The following ATP13A1 variants were observed in gnomAD, a reference collection of about 807,000 sequenced individuals.
ATP13A1 encodes ATPase 13A1.
ATP13A1 carries 55 observed loss-of-function variants against 134.8 expected under a neutral mutation model. The observed-to-expected ratio is 0.41, with a 90% CI of 0.33 to 0.51. The LOEUF is 0.51. Among genes scored for constraint, ATP13A1 ranks in the 20% least tolerant of loss-of-function variants. The pLI, the probability that ATP13A1 is intolerant of heterozygous loss-of-function variation, is 0.29. For synonymous variants in ATP13A1, 775 were observed against 725.1 expected (o/e 1.07, Z -1.10); for missense variants, 1,389 against 1,652.8 (o/e 0.84, Z 2.77).
At chr19:19,659,136 A>G (rs2062078354) in intron 3 of ATP13A1, among the ~76,000 whole-genome samples, 1 of 152,030 alleles carries the variant, frequency 6.6e-6, no homozygotes, top group Admixed American at 6.6e-5. Context: ...AAGCGGCATC[A>G]CAGTCACCTG....
Position 19,652,574 on chromosome 19 carries a change from G to A in ATP13A1, c.2226+21C>T, listed in dbSNP as rs755006283. 5 of 1,602,218 alleles carry A rather than the reference G, an allele frequency of 3.1e-6. No individual in the cohort carries two copies. In the African/African-American group the frequency reaches 4.0e-5, roughly 13 times the overall value. On this transcript the variant is annotated intron_variant, in intron 16 of 25. Transcript: ENST00000357324. ...GCCTCTATTTCCCATGCAGAGGGTG[G>A]AGCCGAGCACCGTCCCATACCCGGT... is the stretch of plus-strand genomic sequence containing the variant.
chr19:19,646,721 G>A, intron 22 of ATP13A1: 1 of 379,204 alleles, frequency 2.6e-6, no homozygotes, highest in South Asian at 3.6e-5. Context: ...TGGGGCCTTT[G>A]TGTCCAGTTC....
rs1326466522 is a variant in ATP13A1 at position 19,647,700 on chromosome 19, C to T, written c.2692G>A (p.Asp898Asn). The change falls in exon 20 of 26, where the codon GAC becomes AAC. Residue 898 changes from aspartate to asparagine, a missense_variant. Coordinates refer to ENST00000357324, the MANE Select transcript of ATP13A1 (RefSeq NM_020410.3). This position sits in a 1 kb window ranked among gnomAD's most constrained non-coding sequence, Gnocchi z 4.8. ...RVVERRRRPR[D>N]SPTLSNSGIR... ...CCACTGTTGCTCAGGGTTGGGCTGT[C>T]CCGGGGCCGCCGTCGCCGCTCGACA... The T allele has an allele frequency of 6.2e-7, 1 of 1,610,828 alleles. No homozygotes were observed. The highest frequency in any genetic ancestry group is 8.5e-7 in the Non-Finnish European group (1 of 1,179,578).
In ATP13A1 at chr19:19,655,405, G is replaced by C. The variant is rs771064526; in HGVS notation, c.1445C>G (p.Thr482Ser). ...RNRYKLFLEC[T>S]LILTSVVPPE... ...AGGCACGACCGAGGTGAGGATCAGG[G>C]TGCACTCCAGAAACAGCTTGTAGCG... The change falls in exon 11 of 26, where the codon ACC becomes AGC. Residue 482 changes from threonine (T) to serine (S), a missense_variant. Thr to Ser is a moderately conservative substitution (Grantham distance 58, BLOSUM62 1). This residue lies in a region of ATP13A1 where 747 missense variants were observed against 956.1 expected (regional missense o/e 0.78). Coordinates refer to ENST00000357324, the MANE Select transcript of ATP13A1 (RefSeq NM_020410.3). The surrounding 1 kb of genome is among the most constrained non-coding windows in gnomAD (Gnocchi z 5.7). The C allele has an allele frequency of 2.5e-6, 4 of 1,613,876 alleles. No homozygotes were observed. Among genetic ancestry groups the C allele is most frequent in the Non-Finnish European group, 3.4e-6 (4 of 1,179,902 alleles).
intron 17 of ATP13A1, chr19:19,650,262 G>A (rs2062015604): frequency 4.5e-6 from 2 of 447,734 alleles, no homozygotes; most frequent in Non-Finnish European, 8.1e-6. Context: ...CACACAGAAG[G>A]GGGCTATTGC....
rs777360408 is a variant in ATP13A1 at position 19,656,693 on chromosome 19, G to C, written c.1050C>G (p.Ala350=). 1 of 1,613,814 alleles carries C rather than the reference G, an allele frequency of 6.2e-7. No homozygotes were observed. Among genetic ancestry groups the C allele is most frequent in the Admixed American group, 1.7e-5 (1 of 60,004 alleles). The change falls in exon 7 of 26, where the codon GCC becomes GCG. Residue 350 remains alanine (A), a synonymous_variant. Coordinates refer to ENST00000357324, the MANE Select transcript of ATP13A1 (RefSeq NM_020410.3). The surrounding 1 kb of genome is among the most constrained non-coding windows in gnomAD (Gnocchi z 4.6). ...GTGGCACGGACTCCCCCGTGAGCAT[G>C]GCCTCGTCTACGATGCAGCGGCCTC... The part of the protein sequence containing the change: ...LLRGRCIVDE[A]MLTGESVPQM...
Position 19,659,695 on chromosome 19 carries a change from G to C in ATP13A1, c.583C>G (p.Pro195Ala). 4 of 1,613,960 alleles carry C rather than the reference G, an allele frequency of 2.5e-6. No homozygotes were observed. Among genetic ancestry groups the C allele is most frequent in the African/African-American group, 1.3e-5 (1 of 75,046 alleles). The part of the protein sequence containing the change: ...EKKQFLPVAF[P>A]VGNAFSYYQS... ...TAGTATGAGAAGGCGTTTCCCACAG[G>C]AAAGGCCACGGGGAGAAACTGCTTC... The change falls in exon 3 of 26, where the codon CCT becomes GCT. Residue 195 changes from proline (P) to alanine (A), a missense_variant. Physicochemically the swap from Pro to Ala is conservative, Grantham distance 27. Coordinates refer to ENST00000357324, the MANE Select transcript of ATP13A1 (RefSeq NM_020410.3).
At chr19:19,662,389 C>T (rs186210829) in intron 1 of ATP13A1, 32 of 983,270 alleles carry the variant, frequency 3.3e-5, no homozygotes, top group Non-Finnish European at 3.5e-5. Flanking sequence ...CTTTCTGTAG[C>T]CCTTGATGCT....
In ATP13A1 at chr19:19,663,371, G is replaced by A. The variant is rs2062106960; in HGVS notation, c.296C>T (p.Ala99Val). The change falls in exon 1 of 26, where the codon GCT becomes GTT. Residue 99 changes from alanine (A) to valine (V), a missense_variant. Ala to Val is a moderately conservative substitution (Grantham distance 64). Transcript: ENST00000357324. ...WGSSWVQIPEAALLVLATICL... is the reference protein window; with the variant it reads ...WGSSWVQIPEVALLVLATICL... ...GATGGTGGCAAGCACGAGCAGCGCA[G>A]CTTCGGGGATCTGCACCCAACTGCT... is the stretch of plus-strand genomic sequence containing the variant. The A allele has an allele frequency of 3.8e-6, 6 of 1,589,508 alleles. No homozygotes were observed. The highest frequency in any genetic ancestry group is 3.4e-5 in the South Asian group (3 of 87,754).
chr19:19,649,693 G>C, intron 18 of ATP13A1, 30 bp from the exon 19 acceptor site: 1 of 1,613,556 alleles, frequency 6.2e-7, no homozygotes, highest in South Asian at 1.1e-5. Flanking sequence ...CTGAGCAGGG[G>C]CTGCGTGCCT....
rs762269352 is a variant in ATP13A1, at chr19:19,656,064, C to T, written c.1203G>A (p.Thr401=). 1.7e-5 allele frequency: 28 copies of T among 1,613,384 alleles called. No homozygotes were observed. The South Asian group carries it at 1.8e-4, about 10-fold the overall frequency. Residue 401 remains threonine, a synonymous_variant, in exon 8 of 26, where the codon ACG becomes ACA. Coordinates refer to ENST00000357324, the MANE Select transcript of ATP13A1 (RefSeq NM_020410.3). The surrounding 1 kb of genome is among the most constrained non-coding windows in gnomAD (Gnocchi z 4.6). ...CCATGAGGCACCTACGCTTCAGGCCCGTGGTGGCTTTCTGTGGGGGGATGT... is the reference window on the plus strand; with the variant it reads ...CCATGAGGCACCTACGCTTCAGGCCTGTGGTGGCTTTCTGTGGGGGGATGT... ...VQHIPPQKAT[T]GLKPVDSGCV... is the part of the protein sequence containing the mutation.
At chr19:19,651,924 C>G (rs2062027218) in intron 16 of ATP13A1, 127 bp from the exon 17 acceptor site, 1 of 703,358 alleles carries the variant, frequency 1.4e-6, no homozygotes, top group Non-Finnish European at 2.3e-6. Context: ...AACCGAGATG[C>G]TGAATGGGCT....
chr19:19,645,421 C>G lies in ATP13A1; in HGVS notation c.*1G>C, dbSNP rs758223844. The G allele has an allele frequency of 2.5e-6, 4 of 1,595,808 alleles. No homozygotes were observed. The Admixed American group carries it at 7.0e-5, about 28-fold the overall frequency. ...GGGCAGTGGGTACCAGCACTGCCAT[C>G]TCAGGAAGGCACTTTCAGCTTCGGG... On this transcript the variant is annotated 3_prime_UTR_variant, in exon 26 of 26. Transcript: ENST00000357324. The surrounding 1 kb of genome is among the most constrained non-coding windows in gnomAD (Gnocchi z 4.1).
In ATP13A1 at chr19:19,647,072, C is replaced by A; in HGVS notation, c.3105+57G>T. 1.2e-5 allele frequency: 19 copies of A among 1,530,640 alleles called. No individual in the cohort carries two copies. Among genetic ancestry groups the A allele is most frequent in the Non-Finnish European group, 1.7e-5 (19 of 1,131,974 alleles). The allele number at this position is 1,530,640 out of a possible 1,614,324, so 94.8% of individuals were successfully genotyped here. The stretch of plus-strand genomic sequence containing the variant: ...GGGATGACAATTCCCGTGCCTATAT[C>A]AGCCTGGCCCTGGCAGGCCCATGCA... On this transcript the variant is annotated intron_variant, in intron 22 of 25. Transcript: ENST00000357324. This position sits in a 1 kb window ranked among gnomAD's most constrained non-coding sequence, Gnocchi z 4.8.
Position 19,656,581 on chromosome 19 carries a change from C to G in ATP13A1, c.1083+79G>C. On this transcript the variant is annotated intron_variant, in intron 7 of 25. Transcript: ENST00000357324. This position sits in a 1 kb window ranked among gnomAD's most constrained non-coding sequence, Gnocchi z 4.6. ...TCCTCCGCCTGTGCCTGAGGGGGAT[C>G]CCCGCCACCCCCTGGGCCTCCACCT... is the stretch of plus-strand genomic sequence containing the variant. 1 of 1,430,616 alleles carries G rather than the reference C, an allele frequency of 7.0e-7. No homozygotes were observed. Among genetic ancestry groups the G allele is most frequent in the Non-Finnish European group, 9.6e-7 (1 of 1,043,506 alleles). 88.6% of individuals were successfully genotyped at this position (1,430,616 alleles called of 1,614,324 possible).
chr19:19,652,798 C>G (rs777066627), intron 15 of ATP13A1, 78 bp from the exon 16 acceptor site: 8 of 1,491,500 alleles, frequency 5.4e-6, no homozygotes, highest in Non-Finnish European at 7.1e-6. Flanking sequence ...TCTGACCATG[C>G]GCTGGGAGCC....
chr19:19,645,408 C>T lies in ATP13A1; in HGVS notation c.*14G>A, dbSNP rs765200220. ...CGGCAGCCAGGGTGGGCAGTGGGTA[C>T]CAGCACTGCCATCTCAGGAAGGCAC... is the stretch of plus-strand genomic sequence containing the variant. On this transcript the variant is annotated 3_prime_UTR_variant, in exon 26 of 26. Transcript: ENST00000357324. This position sits in a 1 kb window ranked among gnomAD's most constrained non-coding sequence, Gnocchi z 4.1. 15 of 1,583,604 alleles carry T rather than the reference C, an allele frequency of 9.5e-6. No individual in the cohort carries two copies. The East Asian group carries it at 3.0e-4, about 32-fold the overall frequency.
At chr19:19,648,306 G>A (rs922678690) in intron 19 of ATP13A1, among the ~76,000 whole-genome samples, 8 of 151,306 alleles carry the variant, frequency 5.3e-5, no homozygotes, top group African/African-American at 9.7e-5. Flanking sequence ...GCGACAGAGC[G>A]AGACAGTCTC....
In ATP13A1 at chr19:19,651,811, G is replaced by A; in HGVS notation, c.2227-14C>T. On this transcript the variant is annotated splice_polypyrimidine_tract_variant and intron_variant, in intron 16 of 25. Transcript: ENST00000357324. ...GATCATGACCACCTTGGGTAAAGAGGGGCAGAGGCTCAGCATGGCACCCTG... is the reference window on the plus strand; with the variant it reads ...GATCATGACCACCTTGGGTAAAGAGAGGCAGAGGCTCAGCATGGCACCCTG... 1 of 1,603,830 alleles carries A rather than the reference G, an allele frequency of 6.2e-7. No homozygotes were observed. The highest frequency in any genetic ancestry group is 1.3e-5 in the African/African-American group (1 of 74,648).
Sources: allele counts gnomAD v4.1 joint callset (sites outside exome capture counted in the v4.1 genomes callset), GRCh38; gene constraint gnomAD v4.1.1; regional missense constraint gnomAD v4.1.1; non-coding constraint Gnocchi (gnomAD v3.1); transcripts MANE v1.5; gene names NCBI Gene and HGNC (gene_info 2026-07-23, HGNC 2026-07-21).